EIF2B5: variants seen among roughly 807,000 people sequenced by gnomAD.
The protein encoded by EIF2B5 is translation initiation factor eIF2B subunit epsilon.
In EIF2B5, 38 loss-of-function variants were observed where a neutral mutation model predicts 87.3. The ratio of observed to expected loss-of-function variants is 0.44; its 90% CI spans 0.34 to 0.57. The LOEUF (loss-of-function observed/expected upper bound fraction) is 0.57, where lower values mean the gene tolerates loss of function less well. Among genes scored for constraint, EIF2B5 ranks in the 20% least tolerant of loss-of-function variants. The pLI, the probability that EIF2B5 is intolerant of heterozygous loss-of-function variation, is 0.02. For missense variants in EIF2B5, 784 were observed against 909.5 expected (o/e 0.86, Z 1.78); for synonymous variants, 313 against 339.6 (o/e 0.92, Z 0.86).
At position 184,145,124 on chromosome 3, in the gene EIF2B5, T is replaced by TCCACA; in HGVS notation, c.*181_*182insCCACA. On this transcript the variant is annotated 3_prime_UTR_variant, in exon 16 of 16. Transcript: ENST00000648915. The surrounding 1 kb of genome is among the most constrained non-coding windows in gnomAD (Gnocchi z 4.0). ...GCAACCATGTGCCTCCCATCCTGAC[T>TCCACA]GTGGAGTTGGGATGTGGAAGTGGGG... 1 of 674,150 alleles carries TCCACA rather than the reference T, an allele frequency of 1.5e-6. No homozygotes were observed. The highest frequency in any genetic ancestry group is 2.7e-6 in the Non-Finnish European group (1 of 377,016). The allele number at this position is 674,150 out of a possible 1,614,324, so 41.8% of individuals were successfully genotyped here.
At chr3:184,137,382 G>A (rs1713411064) in intron 2 of EIF2B5, 1 of 575,842 alleles carries the variant, frequency 1.7e-6, no homozygotes, top group East Asian at 3.0e-5. Context: ...AGGGACAAGG[G>A]GTCAAGGTAT....
At chr3:184,140,314 G>C in intron 6 of EIF2B5, 104 bp from the exon 7 acceptor site, 1 of 1,416,102 alleles carries the variant, frequency 7.1e-7, no homozygotes. Context: ...AATCTTTGTG[G>C]CAGTGAGAGG....
In EIF2B5 at chr3:184,135,480, C is replaced by G. The variant is rs2109005603; in HGVS notation, c.95C>G (p.Ala32Gly). Residue 32 changes from alanine (A) to glycine (G), a missense_variant, in exon 1 of 16, where the codon GCC becomes GGC. Physicochemically the swap from Ala to Gly is moderately conservative, Grantham distance 60. Around this residue, in one of 3 missense-constraint regions of EIF2B5, gnomAD observed 117 missense variants for 101.0 expected, o/e 1.16. Transcript: ENST00000648915. Reference sequence around the variant, plus strand: ...CCGGGAGGCAGCGGTGGCGGGGGAGCCAGAGGGGCGGAGGAGGAACCGCCG... The same window carrying G: ...CCGGGAGGCAGCGGTGGCGGGGGAGGCAGAGGGGCGGAGGAGGAACCGCCG... Reference protein sequence around the residue: ...AGPGGSGGGGARGAEEEPPPP... With the variant: ...AGPGGSGGGGGRGAEEEPPPP... The G allele has an allele frequency of 1.2e-5, 19 of 1,579,872 alleles. No individual in the cohort carries two copies. The highest frequency in any genetic ancestry group is 1.6e-5 in the Non-Finnish European group (19 of 1,163,854).
chr3:184,137,520 C>G lies in EIF2B5; in HGVS notation c.321-100C>G, dbSNP rs888794706. 4.3e-5 allele frequency: 53 copies of G among 1,241,908 alleles called. No homozygotes were observed. The South Asian group carries it at 5.4e-4, about 13-fold the overall frequency. 76.9% of individuals were successfully genotyped at this position (1,241,908 alleles called of 1,614,324 possible). ...GCTGGCAAGAACCCAAAAAAGCCATCGAGAAGGACTGTGAGTGCTGAAAGG... is the reference window on the plus strand; with the variant it reads ...GCTGGCAAGAACCCAAAAAAGCCATGGAGAAGGACTGTGAGTGCTGAAAGG... On this transcript the variant is annotated intron_variant, in intron 2 of 15. Coordinates refer to ENST00000648915, the MANE Select transcript of EIF2B5 (RefSeq NM_003907.3).
At position 184,142,792 on chromosome 3, in the gene EIF2B5, C is replaced by A; in HGVS notation, c.1560C>A (p.Asn520Lys). Reference sequence around the variant, plus strand: ...ATGGCTTCTCAGGACTCAAGATCAACATGGAAGAAGAGAGTGAAAGTGAAA... The same window carrying A: ...ATGGCTTCTCAGGACTCAAGATCAAAATGGAAGAAGAGAGTGAAAGTGAAA... The part of the protein sequence containing the change: ...LQQNLWGLKI[N>K]MEEESESESE... Residue 520 changes from asparagine to lysine, a missense_variant, in exon 11 of 16, where the codon AAC becomes AAA. This residue lies in a region of EIF2B5 where 660 missense variants were observed against 789.5 expected (regional missense o/e 0.84). Transcript: ENST00000648915. This position sits in a 1 kb window ranked among gnomAD's most constrained non-coding sequence, Gnocchi z 5.0. 6.2e-7 allele frequency: 1 copy of A among 1,613,830 alleles called. No individual in the cohort carries two copies. Among genetic ancestry groups the A allele is most frequent in the Non-Finnish European group, 8.5e-7 (1 of 1,179,932 alleles).
At chr3:184,135,904 G>A (rs1713331739) in intron 1 of EIF2B5, 2 of 419,518 alleles carry the variant, frequency 4.8e-6, no homozygotes, top group South Asian at 3.1e-5. Context: ...CCTTGCCGAT[G>A]ACGGTTGCTT....
chr3:184,143,375 A>G (rs879906228), intron 12 of EIF2B5, 67 bp from the exon 13 acceptor site: 74 of 1,613,324 alleles, frequency 4.6e-5, no homozygotes, highest in Non-Finnish European at 6.1e-5. Context: ...AATGTCTATC[A>G]AAGTCATAGT....
In EIF2B5 at chr3:184,139,830, A is replaced by T. The variant is rs1039733168; in HGVS notation, c.766-250A>T. On this transcript the variant is annotated intron_variant, in intron 5 of 15. Coordinates refer to ENST00000648915, the MANE Select transcript of EIF2B5 (RefSeq NM_003907.3). ...CAGGAGTTCAAGACCAGCCTGACCA[A>T]CACAGTGAAATCCCATCTCTACTAA... 2.0e-5 allele frequency among the ~76,000 whole-genome samples: 3 copies of T among 151,566 alleles called. No individual in the cohort carries two copies. The South Asian group carries it at 6.3e-4, about 32-fold the overall frequency.
chr3:184,143,179 C>T (rs1239778341), intron 12 of EIF2B5, 37 bp downstream of exon 12: 1 of 1,602,364 alleles, frequency 6.2e-7, no homozygotes, highest in Non-Finnish European at 8.5e-7. Flanking sequence ...TCGGGGTGAT[C>T]CCGGGAAGGT....
In EIF2B5 at chr3:184,135,473, G is replaced by C. The variant is rs771139224; in HGVS notation, c.88G>C (p.Gly30Arg). The change falls in exon 1 of 16, where the codon GGG (glycine) becomes CGG (arginine). Residue 30 changes from glycine (G) to arginine (R), a missense_variant. Physicochemically the swap from Gly to Arg is moderately radical, Grantham distance 125. Coordinates refer to ENST00000648915, the MANE Select transcript of EIF2B5 (RefSeq NM_003907.3). ...CGCGGGGCCGGGAGGCAGCGGTGGC[G>C]GGGGAGCCAGAGGGGCGGAGGAGGA... ...SGAGPGGSGG[G>R]GARGAEEEPP... 1.3e-6 allele frequency: 2 copies of C among 1,580,104 alleles called. No homozygotes were observed. Among genetic ancestry groups the C allele is most frequent in the African/African-American group, 2.7e-5 (2 of 74,562 alleles).
chr3:184,142,466 C>T lies in EIF2B5; in HGVS notation c.1445-36C>T, dbSNP rs758476428. On this transcript the variant is annotated intron_variant, in intron 9 of 15. Transcript: ENST00000648915. The surrounding 1 kb of genome is among the most constrained non-coding windows in gnomAD (Gnocchi z 5.0). ...TTCCTCCTGGAGGGATTGGTGCTTC[C>T]GCCGGGCCCTCTCTATAGATCATTG... is the stretch of plus-strand genomic sequence containing the variant. 22 of 1,613,934 alleles carry T rather than the reference C, an allele frequency of 1.4e-5. No individual in the cohort carries two copies. Among genetic ancestry groups the T allele is most frequent in the Middle Eastern group, 1.6e-4 (1 of 6,084 alleles).
intron 1 of EIF2B5, 95 bp from the exon 2 acceptor site, chr3:184,136,517 T>C (rs1449278862): frequency 2.0e-6 from 3 of 1,505,464 alleles, no homozygotes; most frequent in Non-Finnish European, 2.8e-6. Context: ...AAAATTACAC[T>C]GTTTGGAAAT....
chr3:184,135,951 G>A (rs916369262), intron 1 of EIF2B5: 1 of 304,916 alleles, frequency 3.3e-6, no homozygotes, highest in Non-Finnish European at 6.2e-6. Context: ...CTGAAAGGGC[G>A]GTAATATGCC....
intron 2 of EIF2B5, 47 bp downstream of exon 2, chr3:184,136,783 G>A: frequency 6.2e-7 from 1 of 1,613,620 alleles, no homozygotes; most frequent in Non-Finnish European, 8.5e-7. Flanking sequence ...TCTTTTTCCA[G>A]TTTTTTCAGG....
chr3:184,138,835 A>AT, intron 5 of EIF2B5: 8 of 265,476 alleles, frequency 3.0e-5, no homozygotes, highest in Admixed American at 1.0e-4. Context: ...TAATTTTTGT[A>AT]TTTTTTTGTA....
Position 184,144,138 on chromosome 3 carries a change from A to C in EIF2B5, c.1909A>C (p.Lys637Gln). The C allele has an allele frequency of 6.2e-7, 1 of 1,614,216 alleles. No individual in the cohort carries two copies. Residue 637 changes from lysine to glutamine, a missense_variant, in exon 14 of 16, where the codon AAG becomes CAG. Transcript: ENST00000648915. ...AWSPVFRNYIKRAADHLEALA... is the reference protein window; with the variant it reads ...AWSPVFRNYIQRAADHLEALA... ...GAGCCCTGTTTTTAGGAACTACATA[A>C]AGCGCGCAGCCGACCATTTGGAAGC...
In EIF2B5 at chr3:184,137,799, AAC is replaced by A. The variant is rs1314920482; in HGVS notation, c.504_505del (p.His168GlnfsTer39). On this transcript the variant is annotated frameshift_variant, in exon 3 of 16. Coordinates refer to ENST00000648915, the MANE Select transcript of EIF2B5 (RefSeq NM_003907.3). LOFTEE classifies it high-confidence loss of function. ...ATCAATATCACCAGAGCCCTTGAGG[AAC>A]ACAGGTCAGGATGGGAAAATGACAG... The A allele has an allele frequency of 1.2e-6, 2 of 1,614,198 alleles. No individual in the cohort carries two copies. Among genetic ancestry groups the A allele is most frequent in the Non-Finnish European group, 1.7e-6 (2 of 1,180,038 alleles).
At position 184,135,420 on chromosome 3, in the gene EIF2B5, T is replaced by C. The variant is rs1201012822; in HGVS notation, c.35T>C (p.Val12Ala). Residue 12 changes from valine to alanine, a missense_variant, in exon 1 of 16, where the codon GTG becomes GCG. By Grantham distance (64) the Val-to-Ala change is moderately conservative. This residue lies in a region of EIF2B5 where 117 missense variants were observed against 101.0 expected (regional missense o/e 1.16). Coordinates refer to ENST00000648915, the MANE Select transcript of EIF2B5 (RefSeq NM_003907.3). ...AAPVVAPPGVVVSRANKRSGA... is the reference protein window; with the variant it reads ...AAPVVAPPGVAVSRANKRSGA... ...CCTGTAGTGGCGCCGCCTGGTGTGGTGGTTAGTCGGGCTAACAAGCGCAGC... is the reference window on the plus strand; with the variant it reads ...CCTGTAGTGGCGCCGCCTGGTGTGGCGGTTAGTCGGGCTAACAAGCGCAGC... The C allele has an allele frequency of 7.0e-6, 11 of 1,582,302 alleles. No homozygotes were observed. Among genetic ancestry groups the C allele is most frequent in the South Asian group, 2.3e-5 (2 of 86,604 alleles).
At chr3:184,143,201 C>T (rs538815083) in intron 12 of EIF2B5, 59 bp downstream of exon 12, 77 of 1,576,374 alleles carry the variant, frequency 4.9e-5, no homozygotes, top group Non-Finnish European at 4.4e-5. Context: ...GAGGCTTTCT[C>T]GTAAGTGTTT....
Sources: allele counts gnomAD v4.1 joint callset (sites outside exome capture counted in the v4.1 genomes callset), GRCh38; gene constraint gnomAD v4.1.1; regional missense constraint gnomAD v4.1.1; non-coding constraint Gnocchi (gnomAD v3.1); transcripts MANE v1.5; gene names NCBI Gene and HGNC (gene_info 2026-07-23, HGNC 2026-07-21).